The following SLC4A7 variants were observed in gnomAD, a reference collection of about 807,000 sequenced individuals.
SLC4A7 encodes the protein solute carrier family 4 member 7.
Under a neutral mutation model 137.6 loss-of-function variants are expected in SLC4A7, and 51 were observed. The ratio of observed to expected loss-of-function variants is 0.37; its 90% CI spans 0.30 to 0.47. The LOEUF is 0.47. Ranked by LOEUF, SLC4A7 falls within the 20% of genes least tolerant of loss-of-function variation. The probability of loss-of-function intolerance (pLI) is 1.00; values close to 1 mark genes in which losing one functional copy is unlikely to be tolerated. For missense variants in SLC4A7, 1,247 were observed against 1,525.4 expected, an observed-to-expected ratio of 0.82 and a Z score of 3.04; for synonymous variants, 542 against 518.6, an observed-to-expected ratio of 1.05 and a Z score of -0.61.
Position 27,373,109 on chromosome 3 carries a change from C to A in SLC4A7, c.*3655G>T, listed in dbSNP as rs2149961735. On this transcript the variant is annotated 3_prime_UTR_variant, in exon 26 of 26. Transcript: ENST00000454389. ...ACCTTGAATAATAAAGCAACAAAAGCCACAACACAAAAACTAATCAGTGTG... is the reference window on the plus strand; with the variant it reads ...ACCTTGAATAATAAAGCAACAAAAGACACAACACAAAAACTAATCAGTGTG... 1 of 147,866 alleles carries A rather than the reference C, an allele frequency of 6.8e-6. No homozygotes were observed. The highest frequency in any genetic ancestry group is 3.5e-3 in the Middle Eastern group (1 of 282). The allele number at this position is 147,866 out of a possible 1,614,324, so 9.2% of individuals were successfully genotyped here. A position where few individuals can be genotyped will look rare whatever the true frequency, so the allele number is the denominator to read the frequency against.
intron 7 of SLC4A7, among the ~76,000 whole-genome samples, chr3:27,425,412 C>A (rs1338712172): frequency 7.0e-6 from 1 of 141,982 alleles, no homozygotes; most frequent in Non-Finnish European, 1.5e-5. Flanking sequence ...CGCTGTGGCT[C>A]ACCCCTGTAA....
intron 3 of SLC4A7, among the ~76,000 whole-genome samples, chr3:27,446,935 G>A (rs538745827): frequency 1.4e-5 from 2 of 141,604 alleles, no homozygotes; most frequent in Admixed American, 1.5e-4. Context: ...CCAGGCTAGA[G>A]TGCAGTGGCA....
chr3:27,427,119 TA>T (rs2055718929), intron 7 of SLC4A7, among the ~76,000 whole-genome samples: 1 of 152,144 alleles, frequency 6.6e-6, no homozygotes, highest in Non-Finnish European at 1.5e-5. Flanking sequence ...TCTGGAGACA[TA>T]TTTGGTTGTC....
intron 5 of SLC4A7, among the ~76,000 whole-genome samples, chr3:27,435,192 G>A (rs890679205): frequency 1.3e-5 from 2 of 152,216 alleles, no homozygotes; most frequent in South Asian, 4.2e-4. Flanking sequence ...TTTTCCATGG[G>A]AGCAATCTAC....
Position 27,433,995 on chromosome 3 carries a change from G to C in SLC4A7, c.699C>G (p.Phe233Leu), listed in dbSNP as rs776151352. 6.2e-6 allele frequency: 10 copies of C among 1,613,788 alleles called. No individual in the cohort carries two copies. Among genetic ancestry groups the C allele is most frequent in the Non-Finnish European group, 8.5e-6 (10 of 1,179,848 alleles). ...KRHHHQNEKRFTSRIPLVRSF... is the reference protein window; with the variant it reads ...KRHHHQNEKRLTSRIPLVRSF... ...ATCGAACAAGAGGAATCCGACTGGT[G>C]AATCTTTTCTCATTCTGATGATGAT... is the stretch of plus-strand genomic sequence containing the variant. The change falls in exon 6 of 26, where the codon TTC becomes TTG. Residue 233 changes from phenylalanine to leucine, a missense_variant. Phe to Leu is a conservative substitution (Grantham distance 22). Coordinates refer to ENST00000454389, the MANE Select transcript of SLC4A7 (RefSeq NM_001321103.2).
At chr3:27,441,421 C>A (rs1426483673) in intron 3 of SLC4A7, among the ~76,000 whole-genome samples, 1 of 152,136 alleles carries the variant, frequency 6.6e-6, no homozygotes, top group East Asian at 1.9e-4. Context: ...ATCCCTGATG[C>A]CATCTGAGAG....
Position 27,436,527 on chromosome 3 carries a change from A to G in SLC4A7, c.450T>C (p.Asp150=). 1.2e-6 allele frequency: 2 copies of G among 1,609,714 alleles called. No homozygotes were observed. The highest frequency in any genetic ancestry group is 3.3e-5 in the Admixed American group (2 of 59,816). ...ETARWLKFEE[D]VEDGGDRWSK... ...TCCATCGGTCACCGCCATCTTCAAC[A>G]TCCTCTTCAAATTTCAGCCATCTGA... Residue 150 remains aspartate, a synonymous_variant, in exon 5 of 26, where the codon GAT becomes GAC. Transcript: ENST00000454389.
chr3:27,440,960 G>A (rs191388499), intron 3 of SLC4A7, among the ~76,000 whole-genome samples: 4 of 151,888 alleles, frequency 2.6e-5, no homozygotes, highest in East Asian at 3.9e-4. Flanking sequence ...CAGGAGAATC[G>A]CTTGAACCCA....
chr3:27,483,839 G>C (rs1201863376), intron 1 of SLC4A7, among the ~76,000 whole-genome samples: 5 of 150,576 alleles, frequency 3.3e-5, no homozygotes, highest in African/African-American at 1.2e-4. Flanking sequence ...GCGCGCCGCC[G>C]GCCGCCCCGA....
chr3:27,393,727 C>T (rs1160186429), intron 20 of SLC4A7, among the ~76,000 whole-genome samples: 5 of 152,118 alleles, frequency 3.3e-5, no homozygotes, highest in Admixed American at 2.6e-4. Flanking sequence ...TTTCTATAAT[C>T]TAACTTACAG....
At chr3:27,448,110 G>T (rs1336439455) in intron 3 of SLC4A7, among the ~76,000 whole-genome samples, 1 of 151,284 alleles carries the variant, frequency 6.6e-6, no homozygotes, top group Non-Finnish European at 1.5e-5. Flanking sequence ...TACTTGGGAG[G>T]CTGAGGCACA....
chr3:27,464,795 G>A (rs2058889756), intron 1 of SLC4A7, among the ~76,000 whole-genome samples: 1 of 152,272 alleles, frequency 6.6e-6, no homozygotes, highest in East Asian at 1.9e-4. Context: ...ACGAGCACTG[G>A]GAGGATGGGG....
chr3:27,478,234 C>T (rs563220769), intron 1 of SLC4A7, among the ~76,000 whole-genome samples: 22 of 151,802 alleles, frequency 1.4e-4, no homozygotes, highest in South Asian at 2.1e-4. Flanking sequence ...AACATTAAAG[C>T]GGGCAGGGTG....
chr3:27,415,712 C>A (rs1433519163), intron 11 of SLC4A7, among the ~76,000 whole-genome samples: 1 of 152,160 alleles, frequency 6.6e-6, no homozygotes. Context: ...ATTATCCGAT[C>A]CTTCGCTTTT....
chr3:27,482,188 A>T (rs966286879), intron 1 of SLC4A7, among the ~76,000 whole-genome samples: 1 of 152,184 alleles, frequency 6.6e-6, no homozygotes, highest in African/African-American at 2.4e-5. Context: ...TGGCCACTAC[A>T]GTAAATAGTG....
At chr3:27,467,900 C>G (rs1394479419) in intron 1 of SLC4A7, among the ~76,000 whole-genome samples, 1 of 152,114 alleles carries the variant, frequency 6.6e-6, no homozygotes, top group East Asian at 1.9e-4. Context: ...TAATTTCATT[C>G]AGAAAAAAAT....
chr3:27,434,128 A>C (rs1273781542), intron 5 of SLC4A7, 24 bp from the exon 6 acceptor site: 1 of 1,527,840 alleles, frequency 6.5e-7, no homozygotes, highest in Admixed American at 2.0e-5. Flanking sequence ...AAAAAAATAA[A>C]TTACTAAACA....
intron 13 of SLC4A7, among the ~76,000 whole-genome samples, chr3:27,406,695 G>A (rs919551134): frequency 6.6e-6 from 1 of 152,160 alleles, no homozygotes; most frequent in Non-Finnish European, 1.5e-5. Context: ...TTGGGAAGCC[G>A]AGGTGGGTGG....
At chr3:27,421,104 T>C (rs147830968) in intron 9 of SLC4A7, among the ~76,000 whole-genome samples, 1 of 152,156 alleles carries the variant, frequency 6.6e-6, no homozygotes, top group African/African-American at 2.4e-5. Flanking sequence ...CGATATTTAT[T>C]TTATTGTACT....
Sources: allele counts gnomAD v4.1 joint callset (sites outside exome capture counted in the v4.1 genomes callset), GRCh38; gene constraint gnomAD v4.1.1; transcripts MANE v1.5; gene names NCBI Gene and HGNC (gene_info 2026-07-23, HGNC 2026-07-21).